Variants in RAB38 observed in about 807,000 individuals in gnomAD.
The protein encoded by RAB38 is RAB38, member RAS oncogene family, also known as ras-related protein Rab-38.
Under a neutral mutation model 18.4 loss-of-function variants are expected in RAB38, and 15 were observed. That is an observed-to-expected ratio of 0.82 (90% CI 0.55 to 1.26). RAB38 has a LOEUF of 1.26. Among genes scored for constraint, RAB38 ranks in the 50% most tolerant of loss-of-function variants. The pLI is 0.00. For missense variants in RAB38, 294 were observed against 267.4 expected (o/e 1.10, Z -0.69); for synonymous variants, 101 against 104.4 (o/e 0.97, Z 0.20).
At chr11:87,948,314 C>CTAGAT in the RAB38 span, among the ~76,000 whole-genome samples, 1 of 152,158 alleles carries the variant, frequency 6.6e-6, no homozygotes, top group Non-Finnish European at 1.5e-5. Flanking sequence ...ATGGGGTTTT[C>CTAGAT]TAGATATACA....
At chr11:87,907,634 T>C in the RAB38 span, among the ~76,000 whole-genome samples, 1 of 151,640 alleles carries the variant, frequency 6.6e-6, no homozygotes, top group African/African-American at 2.4e-5. Context: ...ATTTTTGACA[T>C]TTCTTTCAAA....
At chr11:88,112,426 G>C (rs1320554796), downstream of RAB38, among the ~76,000 whole-genome samples, 1 of 152,098 alleles carries the variant, frequency 6.6e-6, no homozygotes, top group East Asian at 1.9e-4. Flanking sequence ...TCTTTTTCTA[G>C]GTCAGAGTTT....
At chr11:87,932,586 C>T in the RAB38 span, among the ~76,000 whole-genome samples, 1 of 152,082 alleles carries the variant, frequency 6.6e-6, no homozygotes, top group Non-Finnish European at 1.5e-5. Context: ...AAATAAGATA[C>T]ATCTCACTTA....
At chr11:87,904,953 T>C in the RAB38 span, among the ~76,000 whole-genome samples, 43 of 151,802 alleles carry the variant, frequency 2.8e-4, no homozygotes, top group Non-Finnish European at 5.0e-4. Flanking sequence ...TTTCTTTACA[T>C]ATTTTTCCAC....
chr11:87,814,515 A>G, the RAB38 span, among the ~76,000 whole-genome samples: 13 of 152,336 alleles, frequency 8.5e-5, no homozygotes, highest in African/African-American at 2.9e-4. Flanking sequence ...GCACTAATGT[A>G]TAAGTGCTAG....
At chr11:88,004,313 G>C in the RAB38 span, among the ~76,000 whole-genome samples, 1 of 150,896 alleles carries the variant, frequency 6.6e-6, no homozygotes, top group African/African-American at 2.4e-5. Flanking sequence ...TTTGTCCTAC[G>C]AATGCAAGTT....
intron 2 of RAB38, among the ~76,000 whole-genome samples, chr11:88,124,997 G>A (rs1052725674): frequency 3.3e-5 from 5 of 152,174 alleles, no homozygotes; most frequent in Admixed American, 6.5e-5. Flanking sequence ...TAGAGATGAT[G>A]ATGGACATGA....
the RAB38 span, among the ~76,000 whole-genome samples, chr11:87,942,766 C>G: frequency 1.3e-5 from 2 of 152,162 alleles, no homozygotes; most frequent in African/African-American, 2.4e-5. Flanking sequence ...ACCCTGGGCA[C>G]ACCCACAATT....
the RAB38 span, chr11:87,816,645 C>T: frequency 2.6e-5 from 4 of 152,150 alleles, no homozygotes; most frequent in Admixed American, 6.5e-5. Flanking sequence ...ATATCATTCT[C>T]CTTTTGCCAC....
At chr11:88,160,176 A>C (rs1943173006) in intron 1 of RAB38, among the ~76,000 whole-genome samples, 1 of 152,192 alleles carries the variant, frequency 6.6e-6, no homozygotes, top group South Asian at 2.1e-4. Context: ...ACATGAACAG[A>C]CAGTTCTCAA....
At chr11:88,027,361 G>A in the RAB38 span, among the ~76,000 whole-genome samples, 1 of 152,180 alleles carries the variant, frequency 6.6e-6, no homozygotes, top group Non-Finnish European at 1.5e-5. Context: ...AGGAGTGCCA[G>A]ACAGTGGGCG....
chr11:87,962,496 G>A, the RAB38 span, among the ~76,000 whole-genome samples: 33 of 145,400 alleles, frequency 2.3e-4, no homozygotes, highest in Admixed American at 4.8e-4. Context: ...GAGGCTTGGC[G>A]GGGGCAGGGG....
the RAB38 span, among the ~76,000 whole-genome samples, chr11:88,024,021 C>T: frequency 6.6e-6 from 1 of 152,060 alleles, no homozygotes; most frequent in East Asian, 1.9e-4. Flanking sequence ...CAAGCACAGG[C>T]TACTAAAGCA....
chr11:87,941,908 TC>T, the RAB38 span, among the ~76,000 whole-genome samples: 32 of 152,142 alleles, frequency 2.1e-4, no homozygotes, highest in African/African-American at 7.0e-4. Context: ...AGAAAGAAGC[TC>T]TCCTCTCAGG....
intron 2 of RAB38, among the ~76,000 whole-genome samples, chr11:88,139,294 G>C (rs1942876529): frequency 6.6e-6 from 1 of 152,100 alleles, no homozygotes; most frequent in East Asian, 1.9e-4. Context: ...CACTAAAAAG[G>C]AGTTCTCAGT....
At chr11:87,943,299 A>ATTGT in the RAB38 span, among the ~76,000 whole-genome samples, 5 of 152,070 alleles carry the variant, frequency 3.3e-5, no homozygotes, top group African/African-American at 1.2e-4. Flanking sequence ...AATTATTTTT[A>ATTGT]TTGTTATTAT....
the RAB38 span, among the ~76,000 whole-genome samples, chr11:87,804,898 G>C: frequency 6.6e-6 from 1 of 152,060 alleles, no homozygotes; most frequent in Non-Finnish European, 1.5e-5. Context: ...ATTTTTCTCA[G>C]TGTTATCATT....
intron 2 of RAB38, among the ~76,000 whole-genome samples, chr11:88,145,023 C>A (rs905592111): frequency 6.6e-6 from 1 of 152,088 alleles, no homozygotes. Flanking sequence ...GTGTGCATCA[C>A]GGCTAGATCG....
At chr11:88,097,072 G>A in the RAB38 span, among the ~76,000 whole-genome samples, 1 of 151,858 alleles carries the variant, frequency 6.6e-6, no homozygotes, top group East Asian at 1.9e-4. Flanking sequence ...ATCCCCATAT[G>A]TTTTTATTTT....
Sources: allele counts gnomAD v4.1 joint callset (sites outside exome capture counted in the v4.1 genomes callset), GRCh38; gene constraint gnomAD v4.1.1; transcripts MANE v1.5; gene names NCBI Gene and HGNC (gene_info 2026-07-23, HGNC 2026-07-21).